The following AOX1 variants were observed in gnomAD, a reference collection of about 807,000 sequenced individuals.
The protein encoded by AOX1 is aldehyde oxidase.
AOX1 carries 153 observed loss-of-function variants against 169.5 expected under a neutral mutation model. The observed-to-expected ratio is 0.90, with a 90% CI of 0.79 to 1.03. The LOEUF is 1.03. Among genes scored for constraint, AOX1 ranks in the 50% least tolerant of loss-of-function variants. The pLI is 0.00. For synonymous variants in AOX1, 562 were observed against 581.9 expected, an observed-to-expected ratio of 0.97 and a Z score of 0.49; for missense variants, 1,656 against 1,663.9, an observed-to-expected ratio of 1.00 and a Z score of 0.08.
intron 1 of AOX1, 40 bp downstream of exon 1, chr2:200,586,193 C>A: frequency 6.5e-7 from 1 of 1,533,230 alleles, no homozygotes; most frequent in Non-Finnish European, 8.8e-7. Context: ...AGACCTGCGG[C>A]CAGGGCCGGG....
At chr2:200,642,181 A>G (rs1160119219) in intron 24 of AOX1, among the ~76,000 whole-genome samples, 2 of 152,312 alleles carry the variant, frequency 1.3e-5, no homozygotes, top group East Asian at 1.9e-4. Context: ...GTCTCCAGAC[A>G]TTGCCAGACG....
intron 27 of AOX1, among the ~76,000 whole-genome samples, chr2:200,657,190 A>ATATATATTTTTTTTTTTTT: frequency 1.1e-4 from 7 of 62,882 alleles, no homozygotes; most frequent in African/African-American, 4.7e-4. Flanking sequence ...ATATATATAT[A>ATATATATTTTTTTTTTTTT]TTTTTTTTTT....
At chr2:200,626,028 T>A (rs1449408887) in intron 19 of AOX1, among the ~76,000 whole-genome samples, 2 of 152,164 alleles carry the variant, frequency 1.3e-5, no homozygotes, top group African/African-American at 4.8e-5. Flanking sequence ...ATAATAATCA[T>A]CAACAACAAC....
chr2:200,632,879 CT>C (rs34272316), intron 20 of AOX1, among the ~76,000 whole-genome samples: 16,670 of 146,474 alleles, frequency 0.11, 1,364 homozygotes, highest in East Asian at 0.44. Context: ...TTTAAAAGTG[CT>C]TTTTTTTTTC....
At chr2:200,624,618 C>G (rs1447863179) in intron 19 of AOX1, among the ~76,000 whole-genome samples, 3 of 152,092 alleles carry the variant, frequency 2.0e-5, no homozygotes, top group Admixed American at 6.6e-5. Flanking sequence ...GTCAGAGACA[C>G]GATTTTTAGA....
intron 3 of AOX1, among the ~76,000 whole-genome samples, chr2:200,595,905 A>T (rs1040930032): frequency 6.6e-6 from 1 of 152,190 alleles, no homozygotes; most frequent in African/African-American, 2.4e-5. Flanking sequence ...AGATCAAGTC[A>T]TTCCCGTACT....
intron 13 of AOX1, among the ~76,000 whole-genome samples, chr2:200,612,330 C>A (rs1392205390): frequency 6.6e-6 from 1 of 152,122 alleles, no homozygotes; most frequent in Admixed American, 6.6e-5. Context: ...TTTGCTAGGG[C>A]TACCATAACA....
chr2:200,614,038 C>G, intron 15 of AOX1, 72 bp downstream of exon 15: 1 of 1,378,408 alleles, frequency 7.3e-7, no homozygotes, highest in East Asian at 2.3e-5. Context: ...GAGGCAATGA[C>G]TCCCTACCAA....
intron 25 of AOX1, among the ~76,000 whole-genome samples, 194 bp downstream of exon 25, chr2:200,642,995 A>C (rs1331125572): frequency 2.0e-5 from 3 of 152,102 alleles, no homozygotes; most frequent in Non-Finnish European, 4.4e-5. Flanking sequence ...CTCCTGCTCC[A>C]AAATCCTGAA....
intron 5 of AOX1, among the ~76,000 whole-genome samples, chr2:200,599,961 T>C (rs935473051): frequency 6.6e-6 from 1 of 152,148 alleles, no homozygotes; most frequent in African/African-American, 2.4e-5. Context: ...ACAGCTAATA[T>C]TGGATACCTT....
chr2:200,649,750 C>T (rs1574951751), intron 25 of AOX1, among the ~76,000 whole-genome samples: 1 of 152,296 alleles, frequency 6.6e-6, no homozygotes, highest in East Asian at 1.9e-4. Context: ...GGTGAGCTCT[C>T]TCTCAGCCCC....
At chr2:200,600,461 C>G (rs2034388394) in intron 5 of AOX1, among the ~76,000 whole-genome samples, 1 of 121,636 alleles carries the variant, frequency 8.2e-6, no homozygotes, top group Non-Finnish European at 1.8e-5. Flanking sequence ...TTCAGGAGCT[C>G]AGTGTGTATG....
intron 3 of AOX1, 138 bp from the exon 4 acceptor site, chr2:200,597,259 A>C: frequency 1.9e-6 from 1 of 520,242 alleles, no homozygotes; most frequent in Non-Finnish European, 3.3e-6. Context: ...TGCCTGAGCT[A>C]AGGAGGAAAT....
At chr2:200,651,925 C>T (rs1347336085) in intron 26 of AOX1, among the ~76,000 whole-genome samples, 1 of 152,108 alleles carries the variant, frequency 6.6e-6, no homozygotes, top group Non-Finnish European at 1.5e-5. Flanking sequence ...GCCGGGAACC[C>T]CTATTATCTA....
At position 200,661,758 on chromosome 2, in the gene AOX1, C is replaced by T. The variant is rs183104021; in HGVS notation, c.3428+127C>T. ...TCTATTTACCCATGGTTATAAAGAA[C>T]ATTTAACTGCTAGTTAATCCATGGT... On this transcript the variant is annotated intron_variant, in intron 30 of 34. Transcript: ENST00000374700. 139 of 686,738 alleles carry T rather than the reference C, an allele frequency of 2.0e-4. No homozygotes were observed. The African/African-American group carries it at 2.4e-3, about 12-fold the overall frequency. The allele number at this position is 686,738 out of a possible 1,614,324, so 42.5% of individuals were successfully genotyped here.
At chr2:200,663,699 C>G (rs1432873283) in intron 31 of AOX1, among the ~76,000 whole-genome samples, 2 of 151,996 alleles carry the variant, frequency 1.3e-5, no homozygotes, top group African/African-American at 2.4e-5. Flanking sequence ...ACTGTCAATA[C>G]TAATAAATGA....
intron 31 of AOX1, among the ~76,000 whole-genome samples, chr2:200,664,965 TC>T (rs1210289566): frequency 1.2e-4 from 18 of 152,182 alleles, no homozygotes; most frequent in Non-Finnish European, 2.5e-4. Context: ...GCAACAGTCA[TC>T]TCAAGGCTCA....
Position 200,669,729 on chromosome 2 carries a change from AGTTC to A in AOX1, c.3954_3957del (p.Phe1319GlnfsTer3). On this transcript the variant is annotated frameshift_variant, in exon 34 of 35. Transcript: ENST00000374700. LOFTEE classifies it high-confidence loss of function. ...AAGATTAGGATGGCCTGTGAAGACA[AGTTC>A]ACAAAAATGGTACGTTTGCATGGTA... 6.2e-7 allele frequency: 1 copy of A among 1,611,420 alleles called. No homozygotes were observed. Among genetic ancestry groups the A allele is most frequent in the Admixed American group, 1.7e-5 (1 of 59,210 alleles).
chr2:200,679,239 ATTTTCT>A (rs1418632687), downstream of AOX1: 1 of 152,052 alleles, frequency 6.6e-6, no homozygotes, highest in Non-Finnish European at 1.5e-5. Context: ...CTAAATACAT[ATTTTCT>A]TTTTCTTTTT....
Sources: gnomAD v4.1 joint callset for allele counts (sites outside exome capture counted in the v4.1 genomes callset) on GRCh38, gnomAD v4.1.1 for gene constraint, MANE v1.5 for transcripts, NCBI Gene and HGNC (gene_info 2026-07-23, HGNC 2026-07-21) for gene names.